Variants in SEMA3A observed in about 807,000 individuals in gnomAD.
The protein encoded by SEMA3A is semaphorin-3A.
A neutral mutation model predicts 97.9 loss-of-function variants in SEMA3A; 29 were observed. The observed-to-expected ratio is 0.30, with a 90% CI of 0.22 to 0.40. The LOEUF is 0.40. Ranked by LOEUF, SEMA3A falls within the 10% of genes least tolerant of loss-of-function variation. The pLI, the probability that SEMA3A is intolerant of heterozygous loss-of-function variation, is 1.00. For synonymous variants in SEMA3A, 321 were observed against 323.7 expected, an observed-to-expected ratio of 0.99 and a Z score of 0.09; for missense variants, 763 against 951.3, an observed-to-expected ratio of 0.80 and a Z score of 2.60.
intron 6 of SEMA3A, among the ~76,000 whole-genome samples, chr7:84,030,195 A>G (rs1317028838): frequency 6.6e-6 from 1 of 152,158 alleles, no homozygotes; most frequent in African/African-American, 2.4e-5. Flanking sequence ...TCTATTTAGA[A>G]AGCCTTTGCT....
chr7:84,015,628 C>T (rs1203081423), intron 6 of SEMA3A, among the ~76,000 whole-genome samples: 2 of 152,172 alleles, frequency 1.3e-5, no homozygotes, highest in Non-Finnish European at 2.9e-5. Context: ...GAAATATACA[C>T]GTACAGGTCA....
At chr7:84,089,849 A>C (rs1794508172) in intron 4 of SEMA3A, among the ~76,000 whole-genome samples, 1 of 151,990 alleles carries the variant, frequency 6.6e-6, no homozygotes, top group African/African-American at 2.4e-5. Flanking sequence ...ATCAGACTAA[A>C]TTTTAAAGGT....
In SEMA3A at chr7:83,995,378, TAAAAG is replaced by T. The variant is rs536343977; in HGVS notation, c.1452+6572_1452+6576del. ...TATTTCATATATGAATGGTGAAACATAAAAGAAACCCTAGTACATAACAGGCTCCA... is the reference window on the plus strand; with the variant it reads ...TATTTCATATATGAATGGTGAAACATAAACCCTAGTACATAACAGGCTCCA... On this transcript the variant is annotated intron_variant, in intron 12 of 16. Transcript: ENST00000265362. Among the ~76,000 whole-genome samples the T allele has an allele frequency of 2.4e-4, 37 of 152,298 alleles. No homozygotes were observed. In the South Asian group the frequency reaches 7.2e-3, roughly 30 times the overall value.
intron 3 of SEMA3A, among the ~76,000 whole-genome samples, chr7:84,204,707 T>C (rs1276212951): frequency 1.3e-5 from 2 of 152,208 alleles, no homozygotes; most frequent in Non-Finnish European, 2.9e-5. Flanking sequence ...TAAATTTATA[T>C]ATCAAACGCA....
At position 84,426,289 on chromosome 7, in the gene SEMA3A, T is replaced by C. The variant is rs150919782; in HGVS notation, c.-245-54389A>G. Among the ~76,000 whole-genome samples the C allele has an allele frequency of 0.025, 3,534 of 144,012 alleles. 241 individuals are homozygous for C. In the East Asian group the frequency reaches 0.27, roughly 11 times the overall value. The allele number at this position is 144,012 out of a possible 152,430, so 94.5% of individuals were successfully genotyped here. A position where few individuals can be genotyped will look rare whatever the true frequency, so the allele number is the denominator to read the frequency against. Reference sequence around the variant, plus strand: ...ATAGATATATAGACAGATAGATAGATAGATAGATAGATAGATAGATAGATA... The same window carrying C: ...ATAGATATATAGACAGATAGATAGACAGATAGATAGATAGATAGATAGATA... On this transcript the variant is annotated intron_variant, in intron 1 of 3. Transcript: ENST00000424555.
chr7:84,183,677 A>C (rs1797795535), intron 1 of SEMA3A, among the ~76,000 whole-genome samples: 1 of 152,234 alleles, frequency 6.6e-6, no homozygotes, highest in Admixed American at 6.5e-5. Context: ...TATATTTTTA[A>C]ATTTAATATA....
chr7:83,971,404 C>T (rs1006696377), intron 15 of SEMA3A, among the ~76,000 whole-genome samples: 5 of 148,346 alleles, frequency 3.4e-5, no homozygotes, highest in Admixed American at 6.8e-5. Flanking sequence ...TGCACTCCAG[C>T]TTGGGCAATA....
chr7:84,306,161 T>G (rs982399618), intron 3 of SEMA3A, among the ~76,000 whole-genome samples: 3 of 151,856 alleles, frequency 2.0e-5, no homozygotes, highest in Non-Finnish European at 4.4e-5. Flanking sequence ...CCTTATATGA[T>G]GTGATAAATT....
intron 1 of SEMA3A, among the ~76,000 whole-genome samples, chr7:84,486,300 A>G (rs757687032): frequency 5.9e-5 from 9 of 152,204 alleles, no homozygotes; most frequent in Non-Finnish European, 8.8e-5. Context: ...AGGAAGGAGA[A>G]TCACTTGAAC....
chr7:84,137,680 G>C (rs1009311112), intron 1 of SEMA3A, among the ~76,000 whole-genome samples: 1 of 128,594 alleles, frequency 7.8e-6, no homozygotes, highest in Non-Finnish European at 1.6e-5. Flanking sequence ...TTTCAGAGAG[G>C]CCAAACTTTA....
intron 2 of SEMA3A, among the ~76,000 whole-genome samples, chr7:84,342,042 T>A (rs1802184785): frequency 6.9e-6 from 1 of 144,504 alleles, no homozygotes; most frequent in Admixed American, 6.9e-5. Context: ...TTGTCACTAA[T>A]TTTTTTTTTT....
chr7:84,081,485 T>A (rs907977087), intron 4 of SEMA3A, among the ~76,000 whole-genome samples: 1 of 150,962 alleles, frequency 6.6e-6, no homozygotes, highest in Non-Finnish European at 1.5e-5. Context: ...CCCAGCTACC[T>A]GGGAGGCTGA....
chr7:83,981,464 A>C lies in SEMA3A; in HGVS notation c.1509T>G (p.Ile503Met), dbSNP rs1789415149. 5.6e-6 allele frequency: 9 copies of C among 1,606,432 alleles called. No individual in the cohort carries two copies. Among genetic ancestry groups the C allele is most frequent in the South Asian group, 1.1e-5 (1 of 89,420 alleles). The change falls in exon 14 of 17, where the codon ATT (isoleucine) becomes ATG (methionine). Residue 503 changes from isoleucine (I) to methionine (M), a missense_variant. By Grantham distance (10) the Ile-to-Met change is conservative. This residue lies in a region of SEMA3A where 678 missense variants were observed against 881.3 expected (regional missense o/e 0.77). Coordinates refer to ENST00000265362, the MANE Select transcript of SEMA3A (RefSeq NM_006080.3). The stretch of plus-strand genomic sequence containing the variant: ...GCTGGGCAACCCCAGCCGTTGAACC[A>C]ATATATAGTTGTTGCTGTGGAAAGA... ...ELSTKQQQLY[I>M]GSTAGVAQLP...
intron 1 of SEMA3A, among the ~76,000 whole-genome samples, chr7:84,447,231 G>A (rs1805437656): frequency 6.6e-6 from 1 of 152,178 alleles, no homozygotes; most frequent in African/African-American, 2.4e-5. Flanking sequence ...GAGGCTGAGG[G>A]CAGCTTGGCA....
chr7:84,055,385 G>C (rs1340163192), intron 5 of SEMA3A, among the ~76,000 whole-genome samples: 27 of 152,226 alleles, frequency 1.8e-4, no homozygotes, highest in Admixed American at 1.8e-3. Flanking sequence ...CTCCCAGCCA[G>C]GTGTGGGATA....
rs78193353 is a variant in SEMA3A, at chr7:84,104,650, A to T, written c.453+5820T>A. Among the ~76,000 whole-genome samples the T allele has an allele frequency of 4.1e-3, 624 of 152,158 alleles. 2 individuals carry two copies. Among genetic ancestry groups the T allele is most frequent in the East Asian group, 0.017 (89 of 5,176 alleles). ...TTTTTTAGCATTTTGAAATTTTTTT[A>T]TTGTTTCAAAGTATGACTTAGGTCA... On this transcript the variant is annotated intron_variant, in intron 4 of 16. Transcript: ENST00000265362.
chr7:84,437,566 T>G (rs1034502285), intron 1 of SEMA3A, among the ~76,000 whole-genome samples: 3 of 130,274 alleles, frequency 2.3e-5, no homozygotes, highest in Non-Finnish European at 4.7e-5. Flanking sequence ...TAATGCTGGC[T>G]TTTTTTTTTT....
chr7:84,437,006 C>T (rs1805150041), intron 1 of SEMA3A, among the ~76,000 whole-genome samples: 1 of 152,030 alleles, frequency 6.6e-6, no homozygotes, highest in Admixed American at 6.6e-5. Flanking sequence ...GATTCAATTC[C>T]ATGACAGGAA....
chr7:84,314,651 C>T lies in SEMA3A; in HGVS notation c.-168-7359G>A, dbSNP rs530179155. On this transcript the variant is annotated intron_variant, in intron 2 of 3. Coordinates refer to the SEMA3A transcript ENST00000424555. Reference sequence around the variant, plus strand: ...GTTGAGATCATTTGTTACCATAGTACGACTTATTCTAGACTCACTGAACTA... The same window carrying T: ...GTTGAGATCATTTGTTACCATAGTATGACTTATTCTAGACTCACTGAACTA... 2.6e-5 allele frequency among the ~76,000 whole-genome samples: 4 copies of T among 152,258 alleles called. No homozygotes were observed. In the South Asian group the frequency reaches 6.2e-4, roughly 24 times the overall value.
Sources: gnomAD v4.1 joint callset for allele counts (sites outside exome capture counted in the v4.1 genomes callset) on GRCh38, gnomAD v4.1.1 for gene constraint, gnomAD v4.1.1 regional missense constraint, MANE v1.5 for transcripts, NCBI Gene and HGNC (gene_info 2026-07-23, HGNC 2026-07-21) for gene names.